EXOG: variants seen among roughly 807,000 people sequenced by gnomAD.
The protein encoded by EXOG is exo/endonuclease G.
Under a neutral mutation model 25.8 loss-of-function variants are expected in EXOG, and 27 were observed. The observed-to-expected ratio is 1.05, with a 90% CI of 0.77 to 1.45. The LOEUF is 1.45. Ranked by LOEUF, EXOG falls within the 40% of genes most tolerant of loss-of-function variation. EXOG has a pLI of 0.00. For synonymous variants in EXOG, 133 were observed against 167.0 expected (o/e 0.80, Z 1.57); for missense variants, 458 against 450.5 (o/e 1.02, Z -0.15).
intron 3 of EXOG, among the ~76,000 whole-genome samples, chr3:38,501,714 A>C (rs555557157): frequency 5.7e-4 from 87 of 152,322 alleles, no homozygotes; most frequent in African/African-American, 1.9e-3. Flanking sequence ...GGAACTAGAA[A>C]GCCACTGGGA....
At chr3:38,507,114 A>G in intron 5 of EXOG, 146 bp downstream of exon 5, 1 of 502,086 alleles carries the variant, frequency 2.0e-6, no homozygotes, top group Non-Finnish European at 3.6e-6. Flanking sequence ...TATTTATTGA[A>G]CACCTATTAG....
chr3:38,496,567 G>T lies in EXOG; in HGVS notation c.163+37G>T, dbSNP rs776932059. ...GGCCCGTCCTCCCTTCGCTGGCCCA[G>T]ATTTCGGGCTCCGACTCCTACCTGG... On this transcript the variant is annotated intron_variant, in intron 1 of 5. Coordinates refer to ENST00000287675, the MANE Select transcript of EXOG (RefSeq NM_005107.4). The T allele has an allele frequency of 4.4e-6, 7 of 1,589,122 alleles. No homozygotes were observed. The Admixed American group carries it at 1.2e-4, about 27-fold the overall frequency.
chr3:38,509,214 G>T (rs185532596), intron 5 of EXOG, among the ~76,000 whole-genome samples: 1 of 152,164 alleles, frequency 6.6e-6, no homozygotes, highest in African/African-American at 2.4e-5. Flanking sequence ...ATCTTAAATG[G>T]TTAAATTACA....
chr3:38,524,388 G>C lies in EXOG; in HGVS notation c.*26G>C, dbSNP rs376254637. 1 of 1,563,896 alleles carries C rather than the reference G, an allele frequency of 6.4e-7. No homozygotes were observed. Among genetic ancestry groups the C allele is most frequent in the South Asian group, 1.2e-5 (1 of 81,698 alleles). ...TTTTTATCTCAAGATGTGTCATACC[G>C]TCTGTAATGAAGCAGGCATGCCCTC... On this transcript the variant is annotated 3_prime_UTR_variant, in exon 6 of 6. Transcript: ENST00000287675.
At chr3:38,502,354 C>T (rs79537204) in intron 3 of EXOG, among the ~76,000 whole-genome samples, 2,616 of 152,200 alleles carry the variant, frequency 0.017, 68 homozygotes, top group African/African-American at 0.058. Context: ...CTCAGCTTCC[C>T]GACTAACTAG....
chr3:38,513,050 C>A (rs2060421466), intron 5 of EXOG, among the ~76,000 whole-genome samples: 1 of 152,220 alleles, frequency 6.6e-6, no homozygotes, highest in Non-Finnish European at 1.5e-5. Context: ...AGTCCTCCCA[C>A]CTCCACCCCT....
intron 5 of EXOG, among the ~76,000 whole-genome samples, chr3:38,517,551 T>A: frequency 6.6e-6 from 1 of 152,244 alleles, no homozygotes; most frequent in East Asian, 1.9e-4. Context: ...CTTGCTCTGC[T>A]GTTTGGTTTG....
chr3:38,522,571 C>T (rs569414343), intron 5 of EXOG, among the ~76,000 whole-genome samples: 4 of 152,338 alleles, frequency 2.6e-5, no homozygotes, highest in African/African-American at 9.6e-5. Context: ...GTGTCACAAT[C>T]TCGGCTAACT....
At chr3:38,507,501 GTA>G (rs954743027) in intron 5 of EXOG, among the ~76,000 whole-genome samples, 14 of 152,164 alleles carry the variant, frequency 9.2e-5, no homozygotes, top group African/African-American at 3.1e-4. Context: ...GGCTCAAGGG[GTA>G]TGAAGAGTTC....
chr3:38,508,721 C>CA (rs372214018), intron 5 of EXOG, among the ~76,000 whole-genome samples: 96 of 144,960 alleles, frequency 6.6e-4, no homozygotes, highest in East Asian at 1.7e-3. Flanking sequence ...ACCCCCCCCC[C>CA]AAAAAAAAAC....
Position 38,503,710 on chromosome 3 carries a change from A to G in EXOG, c.530+19A>G, listed in dbSNP as rs528095375. On this transcript the variant is annotated intron_variant, in intron 4 of 5. Coordinates refer to ENST00000287675, the MANE Select transcript of EXOG (RefSeq NM_005107.4). ...GGAACAGGTGAGGGATGAGAGTTTT[A>G]AAAACATGATTCTATGGAAGATAAA... 10 of 1,360,060 alleles carry G rather than the reference A, an allele frequency of 7.4e-6. No homozygotes were observed. The South Asian group carries it at 9.3e-5, about 13-fold the overall frequency. 84.2% of individuals were successfully genotyped at this position (1,360,060 alleles called of 1,614,324 possible). A position where few individuals can be genotyped will look rare whatever the true frequency, so the allele number is the denominator to read the frequency against.
At chr3:38,503,841 G>A (rs2060119508) in intron 4 of EXOG, 150 bp downstream of exon 4, 4 of 497,864 alleles carry the variant, frequency 8.0e-6, no homozygotes, top group Non-Finnish European at 7.1e-6. Context: ...TTTCTTTGCT[G>A]TGTTTTGGGA....
intron 3 of EXOG, among the ~76,000 whole-genome samples, chr3:38,502,903 C>T (rs964524764): frequency 6.6e-6 from 1 of 152,158 alleles, no homozygotes; most frequent in Non-Finnish European, 1.5e-5. Context: ...AATTCTCAAC[C>T]TTGGACACTC....
At chr3:38,501,238 C>A in intron 2 of EXOG, 117 bp from the exon 3 acceptor site, 2 of 774,048 alleles carry the variant, frequency 2.6e-6, no homozygotes, top group East Asian at 2.5e-5. Context: ...GCATGCAATC[C>A]CTAATACTAG....
chr3:38,518,301 A>G (rs1214226674), intron 5 of EXOG, among the ~76,000 whole-genome samples: 2 of 152,206 alleles, frequency 1.3e-5, no homozygotes, highest in African/African-American at 4.8e-5. Context: ...GACCAGCTAA[A>G]AAGTTTAGGC....
At position 38,498,555 on chromosome 3, in the gene EXOG, A is replaced by C. The variant is rs562654507; in HGVS notation, c.313+777A>C. 9.9e-4 allele frequency among the ~76,000 whole-genome samples: 143 copies of C among 144,072 alleles called. 3 individuals are homozygous for C. The East Asian group carries it at 0.028, about 28-fold the overall frequency. 94.5% of individuals were successfully genotyped at this position (144,072 alleles called of 152,430 possible). A position where few individuals can be genotyped will look rare whatever the true frequency, so the allele number is the denominator to read the frequency against. Reference sequence around the variant, plus strand: ...AGGCAACAGAGGGAGAATGTGTCTCAAAAAAAAAAAAAAGTGTGATGAGAG... The same window carrying C: ...AGGCAACAGAGGGAGAATGTGTCTCCAAAAAAAAAAAAAGTGTGATGAGAG... On this transcript the variant is annotated intron_variant, in intron 2 of 5. Transcript: ENST00000287675.
chr3:38,507,503 A>G (rs1312271622), intron 5 of EXOG, among the ~76,000 whole-genome samples: 1 of 152,188 alleles, frequency 6.6e-6, no homozygotes, highest in Non-Finnish European at 1.5e-5. Context: ...CTCAAGGGGT[A>G]TGAAGAGTTC....
chr3:38,503,648 A>G lies in EXOG; in HGVS notation c.487A>G (p.Ile163Val), dbSNP rs763234816. The G allele has an allele frequency of 1.2e-6, 2 of 1,607,918 alleles. No homozygotes were observed. The highest frequency in any genetic ancestry group is 1.3e-5 in the African/African-American group (1 of 74,800). Residue 163 changes from isoleucine (I) to valine (V), a missense_variant, in exon 4 of 6, where the codon ATT (isoleucine) becomes GTT (valine). Physicochemically the swap from Ile to Val is conservative, Grantham distance 29. This residue lies in a region of EXOG where 275 missense variants were observed against 230.5 expected (regional missense o/e 1.19). Transcript: ENST00000287675. ...AMAETFYLSN[I>V]VPQDFDNNSG... is the part of the protein sequence containing the mutation. ...GGCTGAAACCTTTTACCTTTCTAAC[A>G]TTGTGCCTCAGGATTTTGATAATAA...
rs189542485 is a variant in EXOG, at chr3:38,523,411, T to G, written c.646-490T>G. The stretch of plus-strand genomic sequence containing the variant: ...TGGAGTCTTGCTCTGTCGGCCAGGC[T>G]GGAGTGCAGTGGTGCAATCTCGGCT... On this transcript the variant is annotated intron_variant, in intron 5 of 5. Transcript: ENST00000287675. 2.3e-3 allele frequency: 1,666 copies of G among 718,986 alleles called. 17 individuals are homozygous for G. In the African/African-American group the frequency reaches 0.03, roughly 13 times the overall value. The allele number at this position is 718,986 out of a possible 1,614,324, so 44.5% of individuals were successfully genotyped here.
Sources: allele counts gnomAD v4.1 joint callset (sites outside exome capture counted in the v4.1 genomes callset), GRCh38; gene constraint gnomAD v4.1.1; regional missense constraint gnomAD v4.1.1; transcripts MANE v1.5; gene names NCBI Gene and HGNC (gene_info 2026-07-23, HGNC 2026-07-21).